The following FAM227B variants were observed in gnomAD, a reference collection of about 807,000 sequenced individuals.
The protein encoded by FAM227B is protein FAM227B.
FAM227B carries 88 observed loss-of-function variants against 73.8 expected under a neutral mutation model. The ratio of observed to expected loss-of-function variants is 1.19; its 90% CI spans 1.00 to 1.42. The LOEUF is 1.42. FAM227B is among the 40% of genes most tolerant of loss of function. FAM227B has a pLI of 0.00. For missense variants in FAM227B, 632 were observed against 590.9 expected, an observed-to-expected ratio of 1.07 and a Z score of -0.72; for synonymous variants, 210 against 190.5, an observed-to-expected ratio of 1.10 and a Z score of -0.84.
intron 13 of FAM227B, among the ~76,000 whole-genome samples, chr15:49,344,668 G>T (rs2041216226): frequency 6.6e-6 from 1 of 152,156 alleles, no homozygotes; most frequent in Non-Finnish European, 1.5e-5. Context: ...TGGTGGTCCT[G>T]CTCATTACAT....
chr15:49,582,962 G>A lies in FAM227B; in HGVS notation c.405+5054C>T, dbSNP rs2075907640. Among the ~76,000 whole-genome samples the A allele has an allele frequency of 2.6e-5, 4 of 152,110 alleles. No individual in the cohort carries two copies. The South Asian group carries it at 8.3e-4, about 32-fold the overall frequency. On this transcript the variant is annotated intron_variant, in intron 5 of 15. Transcript: ENST00000299338. ...AAGGTATAACACACCAGAATCTCTGGGACACAGCTAAGGCAGTGTTAAGAG... is the reference window on the plus strand; with the variant it reads ...AAGGTATAACACACCAGAATCTCTGAGACACAGCTAAGGCAGTGTTAAGAG...
At chr15:49,471,187 G>C (rs1301986161) in intron 11 of FAM227B, among the ~76,000 whole-genome samples, 1 of 152,064 alleles carries the variant, frequency 6.6e-6, no homozygotes, top group Non-Finnish European at 1.5e-5. Flanking sequence ...CCATCATTAA[G>C]AATATGGCAA....
intron 9 of FAM227B, among the ~76,000 whole-genome samples, chr15:49,551,911 G>A (rs535989165): frequency 2.0e-5 from 3 of 152,056 alleles, no homozygotes; most frequent in Non-Finnish European, 4.4e-5. Context: ...ACTCTTTGTT[G>A]TTTCTATTTA....
intron 11 of FAM227B, among the ~76,000 whole-genome samples, chr15:49,480,032 A>G (rs1344145622): frequency 6.6e-6 from 1 of 152,200 alleles, no homozygotes; most frequent in East Asian, 1.9e-4. Flanking sequence ...TCTTGAATAA[A>G]AGAGGGTTGT....
intron 9 of FAM227B, among the ~76,000 whole-genome samples, chr15:49,563,662 G>C (rs1475263544): frequency 6.6e-6 from 1 of 152,052 alleles, no homozygotes; most frequent in Non-Finnish European, 1.5e-5. Flanking sequence ...AAACAGAACA[G>C]GACAGATAAG....
intron 11 of FAM227B, among the ~76,000 whole-genome samples, chr15:49,399,306 T>C (rs1414522355): frequency 7.1e-6 from 1 of 140,310 alleles, no homozygotes; most frequent in South Asian, 2.5e-4. Flanking sequence ...CAGGAAGAAG[T>C]TGAATCTCTG....
chr15:49,594,448 T>C (rs903670383), intron 3 of FAM227B, among the ~76,000 whole-genome samples: 1 of 152,210 alleles, frequency 6.6e-6, no homozygotes, highest in East Asian at 1.9e-4. Context: ...CATCTATTTA[T>C]CTTGGTTTTT....
chr15:49,589,562 C>CAA (rs1171349657), intron 4 of FAM227B, among the ~76,000 whole-genome samples: 1 of 150,758 alleles, frequency 6.6e-6, no homozygotes, highest in East Asian at 2.0e-4. Context: ...CACACACACA[C>CAA]ACACACACAC....
chr15:49,348,457 G>T (rs2041834400), intron 13 of FAM227B, among the ~76,000 whole-genome samples: 1 of 152,058 alleles, frequency 6.6e-6, no homozygotes, highest in Non-Finnish European at 1.5e-5. Flanking sequence ...CACATGTGAG[G>T]CAACCACCAA....
intron 9 of FAM227B, among the ~76,000 whole-genome samples, chr15:49,546,986 C>T (rs2072004170): frequency 6.6e-6 from 1 of 152,150 alleles, no homozygotes; most frequent in African/African-American, 2.4e-5. Flanking sequence ...TTGTCAGATT[C>T]ACCAAAGTTG....
At chr15:49,440,482 A>G (rs1205694435) in intron 11 of FAM227B, among the ~76,000 whole-genome samples, 1 of 151,790 alleles carries the variant, frequency 6.6e-6, no homozygotes, top group African/African-American at 2.4e-5. Flanking sequence ...ATTGAAACTG[A>G]AATTGAAACT....
chr15:49,519,883 G>C (rs112038903), intron 10 of FAM227B, among the ~76,000 whole-genome samples: 1 of 152,036 alleles, frequency 6.6e-6, no homozygotes, highest in Non-Finnish European at 1.5e-5. Flanking sequence ...CTTTTCCGTC[G>C]CATTATTGGG....
chr15:49,490,549 A>G (rs2056999700), intron 11 of FAM227B, among the ~76,000 whole-genome samples: 1 of 151,984 alleles, frequency 6.6e-6, no homozygotes. Context: ...AAATCTAGAG[A>G]AATTATGCAC....
chr15:49,560,513 A>T (rs560652137), intron 9 of FAM227B, among the ~76,000 whole-genome samples: 1 of 152,166 alleles, frequency 6.6e-6, no homozygotes, highest in Non-Finnish European at 1.5e-5. Context: ...ATCCAAATTT[A>T]AAAAATCAAG....
At chr15:49,528,535 A>G (rs2060375961) in intron 10 of FAM227B, among the ~76,000 whole-genome samples, 1 of 151,928 alleles carries the variant, frequency 6.6e-6, no homozygotes, top group South Asian at 2.1e-4. Flanking sequence ...ACAGCAAAAG[A>G]AATAATAAAC....
At position 49,396,213 on chromosome 15, in the gene FAM227B, C is replaced by G. The variant is rs868734805; in HGVS notation, c.1013-24814G>C. The G allele has an allele frequency of 2.6e-5, 9 of 347,324 alleles. No homozygotes were observed. In the Middle Eastern group the frequency reaches 3.1e-3, roughly 119 times the overall value. The allele number at this position is 347,324 out of a possible 1,614,324, so 21.5% of individuals were successfully genotyped here. A position where few individuals can be genotyped will look rare whatever the true frequency, so the allele number is the denominator to read the frequency against. On this transcript the variant is annotated intron_variant, in intron 11 of 15. Transcript: ENST00000299338. ...CGCAAGGGGTCAGGGAGTTCCCTTT[C>G]CGAGTCAAAGAAAGGGGTGACGGAC...
chr15:49,565,328 G>A (rs1040982682), intron 9 of FAM227B, among the ~76,000 whole-genome samples: 3 of 147,162 alleles, frequency 2.0e-5, no homozygotes, highest in Admixed American at 1.4e-4. Flanking sequence ...GTTGCAGTGA[G>A]CCGTGATTGC....
chr15:49,596,390 C>T (rs2076884111), intron 3 of FAM227B, among the ~76,000 whole-genome samples: 1 of 151,780 alleles, frequency 6.6e-6, no homozygotes, highest in African/African-American at 2.4e-5. Context: ...AAGATAAAGT[C>T]CTCTTCAGAC....
chr15:49,347,961 G>A (rs557791930), intron 13 of FAM227B, among the ~76,000 whole-genome samples: 1 of 142,722 alleles, frequency 7.0e-6, no homozygotes, highest in East Asian at 2.1e-4. Flanking sequence ...GGAGGCTGCA[G>A]TGAGCTGAGA....
Sources: allele counts gnomAD v4.1 joint callset (sites outside exome capture counted in the v4.1 genomes callset), GRCh38; gene constraint gnomAD v4.1.1; transcripts MANE v1.5; gene names NCBI Gene and HGNC (gene_info 2026-07-23, HGNC 2026-07-21).